The following PRPSAP1 variants were observed in gnomAD, a reference collection of about 807,000 sequenced individuals.
The protein encoded by PRPSAP1 is phosphoribosyl pyrophosphate synthetase associated protein 1.
A neutral mutation model predicts 39.4 loss-of-function variants in PRPSAP1; 31 were observed. The observed-to-expected ratio is 0.79, with a 90% CI of 0.59 to 1.06. The LOEUF (loss-of-function observed/expected upper bound fraction) is 1.06. PRPSAP1 is among the 50% of genes least tolerant of loss of function. The pLI, the probability that PRPSAP1 is intolerant of heterozygous loss-of-function variation, is 0.00. For synonymous variants in PRPSAP1, 212 were observed against 192.6 expected (o/e 1.10, Z -0.83); for missense variants, 430 against 511.6 (o/e 0.84, Z 1.54).
intron 7 of PRPSAP1, among the ~76,000 whole-genome samples, chr17:76,325,828 G>C (rs968317068): frequency 2.6e-5 from 4 of 151,876 alleles, no homozygotes; most frequent in Non-Finnish European, 4.4e-5. Context: ...GGACGGTCTC[G>C]ATCTCCTGAC....
chr17:76,320,307 G>A (rs2071177549), intron 7 of PRPSAP1, among the ~76,000 whole-genome samples: 1 of 114,842 alleles, frequency 8.7e-6, no homozygotes, highest in South Asian at 3.2e-4. Flanking sequence ...AGAAAAGAAA[G>A]GAAGGGAGGA....
intron 2 of PRPSAP1, among the ~76,000 whole-genome samples, chr17:76,347,563 A>AGGGGCCAG (rs1281660148): frequency 6.6e-6 from 1 of 150,930 alleles, no homozygotes; most frequent in East Asian, 1.9e-4. Context: ...CAGGGAGCCA[A>AGGGGCCAG]GGGGCCAGGA....
intron 3 of PRPSAP1, among the ~76,000 whole-genome samples, chr17:76,340,977 G>A (rs1284490720): frequency 6.6e-6 from 1 of 150,660 alleles, no homozygotes; most frequent in Non-Finnish European, 1.5e-5. Flanking sequence ...AAAGGTTGGA[G>A]ACTGCTGGAC....
chr17:76,343,791 T>C (rs993696359), intron 3 of PRPSAP1, among the ~76,000 whole-genome samples: 1 of 151,948 alleles, frequency 6.6e-6, no homozygotes, highest in African/African-American at 2.4e-5. Context: ...GCCAAGACTG[T>C]GCCACTGCAC....
upstream of PRPSAP1, chr17:76,354,114 T>G: frequency 9.9e-7 from 1 of 1,011,084 alleles, no homozygotes; most frequent in Non-Finnish European, 1.2e-6. Flanking sequence ...AGGAGCAGCC[T>G]ACCTCGGTAG....
At chr17:76,324,373 T>G (rs1265000922) in intron 7 of PRPSAP1, among the ~76,000 whole-genome samples, 1 of 147,700 alleles carries the variant, frequency 6.8e-6, no homozygotes, top group Non-Finnish European at 1.5e-5. Context: ...CTAAGGCGGG[T>G]GGATCATCTG....
intron 7 of PRPSAP1, chr17:76,319,333 T>G (rs8079633): frequency 6.6e-6 from 1 of 152,152 alleles, no homozygotes; most frequent in African/African-American, 2.4e-5. Context: ...TAACTGAGCA[T>G]GTCCACCCTG....
At chr17:76,351,670 C>A (rs919052292) in intron 1 of PRPSAP1, among the ~76,000 whole-genome samples, 1 of 152,030 alleles carries the variant, frequency 6.6e-6, no homozygotes, top group African/African-American at 2.4e-5. Flanking sequence ...CTGGGTGACA[C>A]AAGACTGTCT....
At chr17:76,336,011 A>T (rs2071374522) in intron 3 of PRPSAP1, among the ~76,000 whole-genome samples, 1 of 152,096 alleles carries the variant, frequency 6.6e-6, no homozygotes, top group Non-Finnish European at 1.5e-5. Flanking sequence ...ATAAAAACAA[A>T]ATCAAGTAAA....
At position 76,310,691 on chromosome 17, in the gene PRPSAP1, A is replaced by G. The variant is rs2071061841; in HGVS notation, c.*851T>C. 1 of 150,238 alleles carries G rather than the reference A, an allele frequency of 6.7e-6. No homozygotes were observed. Among genetic ancestry groups the G allele is most frequent in the Admixed American group, 6.7e-5 (1 of 15,030 alleles). 9.3% of individuals were successfully genotyped at this position (150,238 alleles called of 1,614,324 possible). A position where few individuals can be genotyped will look rare whatever the true frequency, so the allele number is the denominator to read the frequency against. On this transcript the variant is annotated 3_prime_UTR_variant, in exon 10 of 10. Transcript: ENST00000446526. ...GCCATGTTTCCCAGGCTGGTCTGAA[A>G]CTCCTGGGCTCAAGCAATCCTCCTT...
Position 76,330,014 on chromosome 17 carries a change from G to A in PRPSAP1, c.635+29C>T, listed in dbSNP as rs147421725. On this transcript the variant is annotated intron_variant, in intron 6 of 9. Transcript: ENST00000446526. ...TTCTGACTTCGGGAGCACTCAGGAG[G>A]GATCAGGACCCATGTCTAGCTTACT... is the stretch of plus-strand genomic sequence containing the variant. 32 of 1,603,612 alleles carry A rather than the reference G, an allele frequency of 2.0e-5. No homozygotes were observed. The African/African-American group carries it at 3.5e-4, about 17-fold the overall frequency.
At position 76,312,960 on chromosome 17, in the gene PRPSAP1, C is replaced by G; in HGVS notation, c.909G>C (p.Glu303Asp). The change falls in exon 9 of 10, where the codon GAG becomes GAC. Residue 303 changes from glutamate to aspartate, a missense_variant. By Grantham distance (45) the Glu-to-Asp change is conservative (BLOSUM62 2). Transcript: ENST00000446526. ...TAACATAGATCTTATAGGCGCCTCT[C>G]TCTTTCAGGATCTCCGCGGCAGCAA... ...SFVAAAEILKERGAYKIYVMA... is the reference protein window; with the variant it reads ...SFVAAAEILKDRGAYKIYVMA... 6.2e-7 allele frequency: 1 copy of G among 1,614,120 alleles called. No individual in the cohort carries two copies. Among genetic ancestry groups the G allele is most frequent in the Non-Finnish European group, 8.5e-7 (1 of 1,180,028 alleles).
intron 1 of PRPSAP1, among the ~76,000 whole-genome samples, chr17:76,351,373 T>C (rs1037912887): frequency 6.6e-6 from 1 of 151,890 alleles, no homozygotes; most frequent in Non-Finnish European, 1.5e-5. Flanking sequence ...AAATTAGCTG[T>C]GCGAGGTGGC....
intron 6 of PRPSAP1, 150 bp from the exon 7 acceptor site, chr17:76,329,012 CAGCA>C (rs2071286699): frequency 1.1e-6 from 1 of 930,594 alleles, no homozygotes; most frequent in African/African-American, 1.7e-5. Flanking sequence ...AGGCCCAGGC[CAGCA>C]TGTAAATGAC....
chr17:76,333,656 CA>C lies in PRPSAP1; in HGVS notation c.291-1222del, dbSNP rs2071349187. 2.9e-5 allele frequency among the ~76,000 whole-genome samples: 4 copies of C among 136,718 alleles called. No homozygotes were observed. In the Admixed American group the frequency reaches 2.9e-4, roughly 10 times the overall value. The allele number at this position is 136,718 out of a possible 152,430, so 89.7% of individuals were successfully genotyped here. A position where few individuals can be genotyped will look rare whatever the true frequency, so the allele number is the denominator to read the frequency against. On this transcript the variant is annotated intron_variant, in intron 3 of 9. Coordinates refer to ENST00000446526, the MANE Select transcript of PRPSAP1 (RefSeq NM_002766.3). Reference sequence around the variant, plus strand: ...TGAGGCTCTGTCTCAAAAAACAAAACAAAACAAAACAAACAAAAAAAAACCT... The same window carrying C: ...TGAGGCTCTGTCTCAAAAAACAAAACAAACAAAACAAACAAAAAAAAACCT...
chr17:76,330,021 G>A (rs1321938232), intron 6 of PRPSAP1, 22 bp downstream of exon 6: 2 of 1,608,484 alleles, frequency 1.2e-6, no homozygotes, highest in South Asian at 2.2e-5. Context: ...GAGGGATCAG[G>A]ACCCATGTCT....
chr17:76,312,916 A>G lies in PRPSAP1; in HGVS notation c.953T>C (p.Leu318Pro). The G allele has an allele frequency of 6.2e-7, 1 of 1,614,192 alleles. No homozygotes were observed. The highest frequency in any genetic ancestry group is 8.5e-7 in the Non-Finnish European group (1 of 1,180,040). Reference protein sequence around the residue: ...KIYVMATHGILSAEAPRLIEE... With the variant: ...KIYVMATHGIPSAEAPRLIEE... ...AATCAGGCGAGGGGCCTCTGCAGAC[A>G]GGATGCCGTGGGTGGCCATAACATA... The change falls in exon 9 of 10, where the codon CTG becomes CCG. Residue 318 changes from leucine to proline, a missense_variant. Coordinates refer to ENST00000446526, the MANE Select transcript of PRPSAP1 (RefSeq NM_002766.3).
Position 76,353,832 on chromosome 17 carries a change from G to C in PRPSAP1, c.-129C>G, listed in dbSNP as rs968922889. The C allele has an allele frequency of 9.4e-6, 13 of 1,381,138 alleles. No individual in the cohort carries two copies. Among genetic ancestry groups the C allele is most frequent in the Non-Finnish European group, 1.1e-5 (12 of 1,075,800 alleles). 85.6% of individuals were successfully genotyped at this position (1,381,138 alleles called of 1,614,324 possible). A position where few individuals can be genotyped will look rare whatever the true frequency, so the allele number is the denominator to read the frequency against. On this transcript the variant is annotated 5_prime_UTR_variant, in exon 1 of 10. Transcript: ENST00000446526. ...CGGCGCAAGCGGGGAGAGCTCCGAGGTCCGTGCCCTTGCGCACCCCACACC... is the reference window on the plus strand; with the variant it reads ...CGGCGCAAGCGGGGAGAGCTCCGAGCTCCGTGCCCTTGCGCACCCCACACC...
chr17:76,315,747 C>CTCTG (rs1312103027), intron 7 of PRPSAP1, among the ~76,000 whole-genome samples: 4 of 122,796 alleles, frequency 3.3e-5, no homozygotes, highest in Non-Finnish European at 6.4e-5. Flanking sequence ...CAGAGTCTCA[C>CTCTG]TCTGTCTCCC....
Sources: gnomAD v4.1 joint callset for allele counts (sites outside exome capture counted in the v4.1 genomes callset) on GRCh38, gnomAD v4.1.1 for gene constraint, MANE v1.5 for transcripts, NCBI Gene and HGNC (gene_info 2026-07-23, HGNC 2026-07-21) for gene names.